Variants in SYNC observed in about 807,000 individuals in gnomAD.
The protein encoded by SYNC is syncoilin.
SYNC carries 38 observed loss-of-function variants against 49.5 expected under a neutral mutation model. The ratio of observed to expected loss-of-function variants is 0.77; its 90% CI spans 0.59 to 1.01. The LOEUF (loss-of-function observed/expected upper bound fraction) is 1.01, where lower values mean the gene tolerates loss of function less well. SYNC is among the 50% of genes least tolerant of loss of function. The pLI is 0.00. For missense variants in SYNC, 579 were observed against 580.6 expected (o/e 1.00, Z 0.03); for synonymous variants, 201 against 230.8 (o/e 0.87, Z 1.17).
At position 32,680,364 on chromosome 1, in the gene SYNC, T is replaced by TG. The variant is rs1649356023; in HGVS notation, c.*1485_*1486insC. On this transcript the variant is annotated 3_prime_UTR_variant, in exon 5 of 5. Coordinates refer to ENST00000409190, the MANE Select transcript of SYNC (RefSeq NM_030786.3). ...TTTTTTTTTTTGTTGTTGGTTTTTTTTTTTTTTTTTTTAACTTGGGACCAC... is the reference window on the plus strand; with the variant it reads ...TTTTTTTTTTTGTTGTTGGTTTTTTTGTTTTTTTTTTTTAACTTGGGACCAC... 8.8e-7 allele frequency: 1 copy of TG among 1,135,250 alleles called. No individual in the cohort carries two copies. Among genetic ancestry groups the TG allele is most frequent in the Non-Finnish European group, 1.1e-6 (1 of 921,208 alleles). 70.3% of individuals were successfully genotyped at this position (1,135,250 alleles called of 1,614,324 possible). A position where few individuals can be genotyped will look rare whatever the true frequency, so the allele number is the denominator to read the frequency against.
At chr1:32,686,268 G>C (rs1246236321) in intron 2 of SYNC, 1 of 151,994 alleles carries the variant, frequency 6.6e-6, no homozygotes, top group Non-Finnish European at 1.5e-5. Flanking sequence ...GACATCTGTG[G>C]CTTGCTTGCA....
rs753800712 is a variant in SYNC, at chr1:32,694,910, G to C, written c.1188C>G (p.Ile396Met). Reference protein sequence around the residue: ...RLQNRNLEDQIALVRQKRDEE... With the variant: ...RLQNRNLEDQMALVRQKRDEE... ...CATCTCGTTTTTGCCTCACAAGTGC[G>C]ATCTGGTCCTCCAGGTTCCTGTTTT... The change falls in exon 2 of 5, where the codon ATC becomes ATG. Residue 396 changes from isoleucine (I) to methionine (M), a missense_variant. Physicochemically the swap from Ile to Met is conservative, Grantham distance 10. Transcript: ENST00000409190. 1 of 1,612,620 alleles carries C rather than the reference G, an allele frequency of 6.2e-7. No individual in the cohort carries two copies.
Position 32,680,357 on chromosome 1 carries a change from G to GTTTTTTTT in SYNC, c.*1485_*1492dup, listed in dbSNP as rs372285843. ...AATGGTGTTTTTTTTTTTGTTGTTG[G>GTTTTTTTT]TTTTTTTTTTTTTTTTTTTAACTTG... On this transcript the variant is annotated 3_prime_UTR_variant, in exon 5 of 5. Coordinates refer to ENST00000409190, the MANE Select transcript of SYNC (RefSeq NM_030786.3). 7 of 988,462 alleles carry GTTTTTTTT rather than the reference G, an allele frequency of 7.1e-6. No individual in the cohort carries two copies. The highest frequency in any genetic ancestry group is 4.4e-5 in the African/African-American group (2 of 45,932). The allele number at this position is 988,462 out of a possible 1,614,324, so 61.2% of individuals were successfully genotyped here.
At chr1:32,682,174 G>T in intron 4 of SYNC, 1 of 301,856 alleles carries the variant, frequency 3.3e-6, no homozygotes, top group Non-Finnish European at 6.2e-6. Flanking sequence ...CACAAAGGTA[G>T]TTAGTAGATC....
chr1:32,696,962 G>T (rs1398402805), intron 1 of SYNC, among the ~76,000 whole-genome samples: 1 of 151,004 alleles, frequency 6.6e-6, no homozygotes. Context: ...TGGCCAGGCT[G>T]GTCTCAAACT....
At chr1:32,683,884 C>T in intron 4 of SYNC, 126 bp downstream of exon 4, 6 of 877,114 alleles carry the variant, frequency 6.8e-6, no homozygotes, top group South Asian at 1.6e-5. Flanking sequence ...CCACCCTCCT[C>T]AGCCTCCCAA....
chr1:32,700,560 G>A (rs1650626588), intron 1 of SYNC, among the ~76,000 whole-genome samples: 1 of 152,132 alleles, frequency 6.6e-6, no homozygotes, highest in African/African-American at 2.4e-5. Context: ...AGCTGGGTAT[G>A]GTGGTGTGTG....
intron 4 of SYNC, 29 bp downstream of exon 4, chr1:32,683,981 A>G (rs1267648435): frequency 3.7e-6 from 6 of 1,605,898 alleles, no homozygotes; most frequent in Non-Finnish European, 5.1e-6. Context: ...TAACAATGCA[A>G]ACACCACTCT....
chr1:32,699,857 C>T lies in SYNC; in HGVS notation c.53+2751G>A, dbSNP rs939101157. On this transcript the variant is annotated intron_variant, in intron 1 of 4. Coordinates refer to ENST00000409190, the MANE Select transcript of SYNC (RefSeq NM_030786.3). ...CAAGCAATTCTCTACCTCAGCCTCC[C>T]GAGTAGCTGAGACTACAGGCGCCCA... Among the ~76,000 whole-genome samples, 32 of 151,910 alleles carry T rather than the reference C, an allele frequency of 2.1e-4. 1 individual carries two copies. Among genetic ancestry groups the T allele is most frequent in the Admixed American group, 1.8e-3 (27 of 15,242 alleles).
chr1:32,679,941 G>C lies in SYNC; in HGVS notation c.*1909C>G. Reference sequence around the variant, plus strand: ...TCTTCAGGAATTTTCTAGTAACCCAGGTCTAAAGTAGCTACAGAAAGGGGA... The same window carrying C: ...TCTTCAGGAATTTTCTAGTAACCCACGTCTAAAGTAGCTACAGAAAGGGGA... On this transcript the variant is annotated 3_prime_UTR_variant, in exon 5 of 5. Coordinates refer to ENST00000409190, the MANE Select transcript of SYNC (RefSeq NM_030786.3). The C allele has an allele frequency of 7.8e-7, 1 of 1,284,318 alleles. No homozygotes were observed. Among genetic ancestry groups the C allele is most frequent in the Non-Finnish European group, 9.8e-7 (1 of 1,018,562 alleles). 79.6% of individuals were successfully genotyped at this position (1,284,318 alleles called of 1,614,324 possible).
Position 32,680,822 on chromosome 1 carries a change from G to T in SYNC, c.*1028C>A. 2.6e-6 allele frequency: 1 copy of T among 388,998 alleles called. No individual in the cohort carries two copies. Among genetic ancestry groups the T allele is most frequent in the Non-Finnish European group, 4.6e-6 (1 of 215,870 alleles). 24.1% of individuals were successfully genotyped at this position (388,998 alleles called of 1,614,324 possible). A position where few individuals can be genotyped will look rare whatever the true frequency, so the allele number is the denominator to read the frequency against. ...AGAAAAGAACTTTACTCCTTCCCAG[G>T]GAAAGTGAAAGACATAAAACACTGA... On this transcript the variant is annotated 3_prime_UTR_variant, in exon 5 of 5. Coordinates refer to ENST00000409190, the MANE Select transcript of SYNC (RefSeq NM_030786.3).
chr1:32,695,025 G>A lies in SYNC; in HGVS notation c.1073C>T (p.Thr358Ile), dbSNP rs1650339659. 2.1e-5 allele frequency: 34 copies of A among 1,613,756 alleles called. No homozygotes were observed. In the East Asian group the frequency reaches 7.6e-4, roughly 36 times the overall value. ...LRLLERKEAG[T>I]KALQRTQAEI... Reference sequence around the variant, plus strand: ...AGCCTGGGTTCTCTGCAGAGCTTTGGTCCCAGCTTCTTTCCTCTCTAGGAG... The same window carrying A: ...AGCCTGGGTTCTCTGCAGAGCTTTGATCCCAGCTTCTTTCCTCTCTAGGAG... Residue 358 changes from threonine (T) to isoleucine (I), a missense_variant, in exon 2 of 5, where the codon ACC (threonine) becomes ATC (isoleucine). Transcript: ENST00000409190.
chr1:32,684,379 G>C lies in SYNC; in HGVS notation c.1237C>G (p.Gln413Glu). 1.2e-6 allele frequency: 2 copies of C among 1,614,160 alleles called. No homozygotes were observed. Among genetic ancestry groups the C allele is most frequent in the Non-Finnish European group, 1.7e-6 (2 of 1,180,036 alleles). ...RDEEVQQYREQLEEMEERQRQ... is the reference protein window; with the variant it reads ...RDEEVQQYREELEEMEERQRQ... ...TGGCGTTCTTCCATTTCCTCCAGCTGTTCCTGCATGAGATGGCCAAGAACA... is the reference window on the plus strand; with the variant it reads ...TGGCGTTCTTCCATTTCCTCCAGCTCTTCCTGCATGAGATGGCCAAGAACA... Residue 413 changes from glutamine (Q) to glutamate (E), a missense_variant, in exon 3 of 5, where the codon CAG becomes GAG. By Grantham distance (29) the Gln-to-Glu change is conservative (BLOSUM62 2). Coordinates refer to ENST00000409190, the MANE Select transcript of SYNC (RefSeq NM_030786.3).
chr1:32,696,906 C>A (rs1215321166), intron 1 of SYNC, among the ~76,000 whole-genome samples: 1 of 151,726 alleles, frequency 6.6e-6, no homozygotes, highest in East Asian at 2.0e-4. Context: ...TGCCATCACA[C>A]TCAGCTGATT....
At chr1:32,696,794 T>G (rs1253216886) in intron 1 of SYNC, among the ~76,000 whole-genome samples, 1 of 149,022 alleles carries the variant, frequency 6.7e-6, no homozygotes, top group Non-Finnish European at 1.5e-5. Flanking sequence ...TCCTTATAAC[T>G]TTTTTTTTTC....
chr1:32,689,651 T>G (rs1021884979), intron 2 of SYNC, among the ~76,000 whole-genome samples: 3 of 151,988 alleles, frequency 2.0e-5, no homozygotes, highest in Non-Finnish European at 2.9e-5. Flanking sequence ...CCTTAGGAAG[T>G]AAGCTGATGG....
chr1:32,702,972 T>A, upstream of SYNC: 1 of 156,504 alleles, frequency 6.4e-6, no homozygotes, highest in Non-Finnish European at 1.4e-5. The surrounding 1 kb of genome is among the most constrained non-coding windows in gnomAD (Gnocchi z 6.2). Context: ...CTTCCTTTCG[T>A]GAGGTCCCGT....
chr1:32,695,398 C>T lies in SYNC; in HGVS notation c.700G>A (p.Gly234Ser), dbSNP rs1157187851. 1 of 1,551,738 alleles carries T rather than the reference C, an allele frequency of 6.4e-7. No individual in the cohort carries two copies. Among genetic ancestry groups the T allele is most frequent in the Non-Finnish European group, 8.7e-7 (1 of 1,147,058 alleles). The change falls in exon 2 of 5, where the codon GGC (glycine) becomes AGC (serine). Residue 234 changes from glycine to serine, a missense_variant. Coordinates refer to ENST00000409190, the MANE Select transcript of SYNC (RefSeq NM_030786.3). The stretch of plus-strand genomic sequence containing the variant: ...ACCAGCCGGATCTCCTCCCTTAGGC[C>T]ATCTCTCTCCAGCTCTGCTTGGGCA... ...LHAQAELERD[G>S]LREEIRLVKQ... is the part of the protein sequence containing the mutation.
At chr1:32,681,895 A>T (rs1649462864) in intron 4 of SYNC, 35 bp from the exon 5 acceptor site, 2 of 1,586,384 alleles carry the variant, frequency 1.3e-6, no homozygotes, top group East Asian at 2.2e-5. Context: ...ATAACAGTGA[A>T]CTTCTGAGGT....
Sources: gnomAD v4.1 joint callset for allele counts (sites outside exome capture counted in the v4.1 genomes callset) on GRCh38, gnomAD v4.1.1 for gene constraint, Gnocchi (gnomAD v3.1) non-coding constraint, MANE v1.5 for transcripts, NCBI Gene and HGNC (gene_info 2026-07-23, HGNC 2026-07-21) for gene names.